Variants in TUSC3 observed in about 807,000 individuals in gnomAD.
TUSC3 encodes tumor suppressor candidate 3.
In TUSC3, 45 loss-of-function variants were observed where a neutral mutation model predicts 44.8. The observed-to-expected ratio is 1.00, with a 90% CI of 0.79 to 1.29. The LOEUF (loss-of-function observed/expected upper bound fraction) is 1.29, where lower values mean the gene tolerates loss of function less well. Among genes scored for constraint, TUSC3 ranks in the 50% most tolerant of loss-of-function variants. TUSC3 has a pLI of 0.00. For synonymous variants in TUSC3, 212 were observed against 152.9 expected, an observed-to-expected ratio of 1.39 and a Z score of -2.85; for missense variants, 519 against 437.9, an observed-to-expected ratio of 1.19 and a Z score of -1.65.
At chr8:15,711,483 TG>T (rs1809849821) in intron 6 of TUSC3, among the ~76,000 whole-genome samples, 1 of 150,380 alleles carries the variant, frequency 6.6e-6, no homozygotes, top group African/African-American at 2.4e-5. Flanking sequence ...TGTGTGTGTG[TG>T]TGTGTGTGTG....
chr8:15,473,445 G>A (rs1800523357), intron 1 of TUSC3, among the ~76,000 whole-genome samples: 1 of 152,178 alleles, frequency 6.6e-6, no homozygotes, highest in African/African-American at 2.4e-5. Flanking sequence ...TCTTCAACTT[G>A]AAGTCTTGTT....
intron 1 of TUSC3, among the ~76,000 whole-genome samples, chr8:15,466,315 G>A (rs118175151): frequency 0.049 from 7,395 of 152,178 alleles, 245 homozygotes; most frequent in South Asian, 0.11. Context: ...CTTTGGCACT[G>A]AAGCAGTTAT....
At chr8:15,493,901 T>C (rs1027493285) in intron 2 of TUSC3, among the ~76,000 whole-genome samples, 3 of 152,204 alleles carry the variant, frequency 2.0e-5, no homozygotes, top group African/African-American at 4.8e-5. Flanking sequence ...TCCTGATGAT[T>C]TCCACTAAAA....
chr8:15,836,251 G>A, the TUSC3 span, among the ~76,000 whole-genome samples: 12 of 151,570 alleles, frequency 7.9e-5, no homozygotes, highest in African/African-American at 2.9e-4. Context: ...TAAGGTGGGT[G>A]GAATGCTTGA....
the TUSC3 span, among the ~76,000 whole-genome samples, chr8:15,842,909 G>T: frequency 6.6e-6 from 1 of 152,120 alleles, no homozygotes; most frequent in Non-Finnish European, 1.5e-5. Context: ...TGCTCAGAAA[G>T]TCATGACCAT....
downstream of TUSC3, among the ~76,000 whole-genome samples, chr8:15,770,013 C>A (rs899894197): frequency 3.9e-5 from 6 of 152,140 alleles, no homozygotes; most frequent in African/African-American, 1.2e-4. Context: ...GGTGATTCCT[C>A]AAGGTTCTAG....
Position 15,595,494 on chromosome 8 carries a change from C to T in TUSC3, c.139-27586C>T, listed in dbSNP as rs115008279. Among the ~76,000 whole-genome samples the T allele has an allele frequency of 2.9e-3, 446 of 152,250 alleles. 2 individuals carry two copies. The highest frequency in any genetic ancestry group is 0.01 in the African/African-American group (435 of 41,554). On this transcript the variant is annotated intron_variant, in intron 1 of 10. Transcript: ENST00000503731. ...AACAGACATAGGGCTCACTTTGTTC[C>T]CTGTCTCTTAGGCATCAGCGTCTTT...
intron 2 of TUSC3, among the ~76,000 whole-genome samples, chr8:15,634,496 A>G (rs748257588): frequency 6.6e-6 from 1 of 152,220 alleles, no homozygotes; most frequent in Non-Finnish European, 1.5e-5. Flanking sequence ...GATATTTTGC[A>G]TGAAAGCTGG....
At position 15,629,378 on chromosome 8, in the gene TUSC3, G is replaced by A. The variant is rs372661223; in HGVS notation, c.308+6129G>A. Among the ~76,000 whole-genome samples the A allele has an allele frequency of 9.9e-5, 15 of 152,090 alleles. No individual in the cohort carries two copies. In the East Asian group the frequency reaches 1.4e-3, roughly 14 times the overall value. On this transcript the variant is annotated intron_variant, in intron 2 of 10. Coordinates refer to ENST00000503731, the MANE Select transcript of TUSC3 (RefSeq NM_006765.4). ...GAGCTCTGTAATCCATATGATAGTG[G>A]GCAGAGTGGACCAAAGAGATTTCAA...
chr8:15,617,492 A>G (rs996405760), intron 1 of TUSC3, among the ~76,000 whole-genome samples: 6 of 152,060 alleles, frequency 3.9e-5, no homozygotes, highest in East Asian at 1.9e-4. Context: ...ACTCCTGTCC[A>G]ACGTCACAAT....
intron 1 of TUSC3, among the ~76,000 whole-genome samples, chr8:15,447,666 C>T (rs1292409768): frequency 1.3e-5 from 2 of 150,654 alleles, no homozygotes; most frequent in African/African-American, 2.4e-5. Flanking sequence ...TAATGATTAC[C>T]TTTGAAAAGC....
At chr8:15,804,029 T>C in the TUSC3 span, among the ~76,000 whole-genome samples, 3 of 152,210 alleles carry the variant, frequency 2.0e-5, no homozygotes, top group Non-Finnish European at 2.9e-5. Context: ...TGTGTCTTTA[T>C]AGTAGAATGA....
chr8:15,610,316 G>A (rs1804706142), intron 1 of TUSC3, among the ~76,000 whole-genome samples: 1 of 152,020 alleles, frequency 6.6e-6, no homozygotes, highest in Admixed American at 6.6e-5. Context: ...ATAAAATTAA[G>A]GTATAGCAAC....
chr8:15,591,993 G>A (rs1803861620), intron 1 of TUSC3, among the ~76,000 whole-genome samples: 1 of 152,146 alleles, frequency 6.6e-6, no homozygotes, highest in African/African-American at 2.4e-5. Flanking sequence ...GCCTTCAGGA[G>A]GCAGCTATAG....
the TUSC3 span, among the ~76,000 whole-genome samples, chr8:15,842,107 A>G: frequency 6.6e-6 from 1 of 152,168 alleles, no homozygotes; most frequent in Non-Finnish European, 1.5e-5. Flanking sequence ...CAGTCAACAC[A>G]TGTTTTTTGA....
chr8:15,563,484 G>A (rs1357800015), intron 1 of TUSC3, among the ~76,000 whole-genome samples: 3 of 151,974 alleles, frequency 2.0e-5, no homozygotes, highest in African/African-American at 7.2e-5. Context: ...TCAGGAGTTT[G>A]AGAACAGCCT....
At chr8:15,846,112 C>T in the TUSC3 span, among the ~76,000 whole-genome samples, 1 of 152,172 alleles carries the variant, frequency 6.6e-6, no homozygotes. Flanking sequence ...TTACCTCCCC[C>T]TGAGTCCCTC....
intron 1 of TUSC3, among the ~76,000 whole-genome samples, chr8:15,608,772 T>G (rs1804640805): frequency 6.6e-6 from 1 of 152,214 alleles, no homozygotes; most frequent in Non-Finnish European, 1.5e-5. Context: ...GTAAGTTTCC[T>G]GAGGCTCTCC....
intron 2 of TUSC3, among the ~76,000 whole-genome samples, chr8:15,505,671 G>T (rs2129127584): frequency 6.6e-6 from 1 of 152,314 alleles, no homozygotes; most frequent in Admixed American, 6.5e-5. Context: ...AGTGGGGTCA[G>T]AGAAACTGCA....
Sources: allele counts gnomAD v4.1 joint callset (sites outside exome capture counted in the v4.1 genomes callset), GRCh38; gene constraint gnomAD v4.1.1; transcripts MANE v1.5; gene names NCBI Gene and HGNC (gene_info 2026-07-23, HGNC 2026-07-21).